RBFOX1: variants seen among roughly 807,000 people sequenced by gnomAD.
The protein encoded by RBFOX1 is RNA binding fox-1 homolog 1, also known as RNA binding protein fox-1 homolog 1.
A neutral mutation model predicts 57.7 loss-of-function variants in RBFOX1; 8 were observed. That is an observed-to-expected ratio of 0.14 (90% CI 0.08 to 0.25). The LOEUF is 0.25. Ranked by LOEUF, RBFOX1 falls within the 10% of genes least tolerant of loss-of-function variation. The probability of loss-of-function intolerance (pLI) is 1.00; values close to 1 mark genes in which losing one functional copy is unlikely to be tolerated. For missense variants in RBFOX1, 611 were observed against 548.5 expected, an observed-to-expected ratio of 1.11 and a Z score of -1.14; for synonymous variants, 326 against 222.4, an observed-to-expected ratio of 1.47 and a Z score of -4.15.
At chr16:5,242,857 T>C (rs951319225) in intron 1 of RBFOX1, among the ~76,000 whole-genome samples, 5 of 152,010 alleles carry the variant, frequency 3.3e-5, no homozygotes, top group Non-Finnish European at 5.9e-5. Flanking sequence ...TGTGCTCTTG[T>C]GGTTGGGTGG....
chr16:6,335,648 C>T (rs902331476), intron 2 of RBFOX1, among the ~76,000 whole-genome samples: 2 of 151,108 alleles, frequency 1.3e-5, no homozygotes, highest in Non-Finnish European at 2.9e-5. Context: ...TGTGTTGACG[C>T]GCGCCTGTAA....
chr16:7,318,024 G>A (rs2096477182), intron 4 of RBFOX1, among the ~76,000 whole-genome samples: 1 of 151,936 alleles, frequency 6.6e-6, no homozygotes. Context: ...CGATGATGGT[G>A]ATGATGTGAA....
chr16:7,699,539 T>C (rs2079961201), intron 14 of RBFOX1, among the ~76,000 whole-genome samples: 1 of 152,170 alleles, frequency 6.6e-6, no homozygotes. Flanking sequence ...TAGGACTTGC[T>C]AAAGTTGTGT....
chr16:7,027,973 G>C (rs1282717528), intron 3 of RBFOX1, among the ~76,000 whole-genome samples: 3 of 151,662 alleles, frequency 2.0e-5, no homozygotes, highest in Non-Finnish European at 4.4e-5. Flanking sequence ...GAAGAAACAA[G>C]GGTGGAAGGA....
At chr16:6,233,668 G>A (rs1426309646) in intron 1 of RBFOX1, among the ~76,000 whole-genome samples, 1 of 152,082 alleles carries the variant, frequency 6.6e-6, no homozygotes, top group Non-Finnish European at 1.5e-5. Context: ...GAGCACAGTA[G>A]AGCAATCATA....
chr16:7,450,429 A>T (rs1050050704), intron 4 of RBFOX1, among the ~76,000 whole-genome samples: 7 of 150,682 alleles, frequency 4.6e-5, no homozygotes, highest in African/African-American at 1.7e-4. Flanking sequence ...AAACTTACAG[A>T]AAGCAAGTTC....
chr16:5,350,158 GC>G (rs2065231668), intron 1 of RBFOX1, among the ~76,000 whole-genome samples: 1 of 152,150 alleles, frequency 6.6e-6, no homozygotes, highest in African/African-American at 2.4e-5. Context: ...TAATGTATGT[GC>G]TTGCTGTCAG....
At chr16:6,429,055 C>T (rs1370004073) in intron 2 of RBFOX1, among the ~76,000 whole-genome samples, 2 of 152,146 alleles carry the variant, frequency 1.3e-5, no homozygotes, top group Non-Finnish European at 2.9e-5. Context: ...GGAGAAGGTG[C>T]GCCCCTCCCA....
chr16:6,478,609 G>C (rs1050993714), intron 2 of RBFOX1, among the ~76,000 whole-genome samples: 18 of 150,972 alleles, frequency 1.2e-4, no homozygotes, highest in African/African-American at 4.1e-4. Context: ...TCTAGCTTTT[G>C]ATTTAAAGTG....
intron 1 of RBFOX1, among the ~76,000 whole-genome samples, chr16:6,159,790 A>G (rs2152742268): frequency 6.6e-6 from 1 of 152,228 alleles, no homozygotes; most frequent in East Asian, 1.9e-4. Flanking sequence ...CCACATGTAC[A>G]AAAATGACAG....
At chr16:5,561,287 C>G (rs1237211591) in intron 2 of RBFOX1, among the ~76,000 whole-genome samples, 1 of 152,048 alleles carries the variant, frequency 6.6e-6, no homozygotes, top group Non-Finnish European at 1.5e-5. Flanking sequence ...GAATGAGGAC[C>G]TATAATTAGT....
intron 2 of RBFOX1, among the ~76,000 whole-genome samples, chr16:6,629,373 T>C (rs1337763537): frequency 6.6e-6 from 1 of 152,208 alleles, no homozygotes; most frequent in Non-Finnish European, 1.5e-5. Context: ...TGAGGATGTT[T>C]AACGACTTTT....
At chr16:6,476,426 A>G (rs1001853661) in intron 2 of RBFOX1, among the ~76,000 whole-genome samples, 1 of 152,208 alleles carries the variant, frequency 6.6e-6, no homozygotes, top group Non-Finnish European at 1.5e-5. Context: ...TAATAGAGGG[A>G]GTCACACTAT....
intron 2 of RBFOX1, among the ~76,000 whole-genome samples, chr16:6,444,948 G>C (rs1370600687): frequency 6.6e-6 from 1 of 152,084 alleles, no homozygotes; most frequent in Non-Finnish European, 1.5e-5. Flanking sequence ...AGTGGAGAAT[G>C]GATTTGAGGG....
intron 1 of RBFOX1, among the ~76,000 whole-genome samples, chr16:6,046,223 A>T (rs2095493911): frequency 6.6e-6 from 1 of 152,212 alleles, no homozygotes; most frequent in Non-Finnish European, 1.5e-5. Flanking sequence ...CAACTGAATG[A>T]TGATGATGCC....
intron 4 of RBFOX1, among the ~76,000 whole-genome samples, chr16:7,078,358 T>A (rs998464525): frequency 2.6e-5 from 4 of 152,180 alleles, no homozygotes; most frequent in African/African-American, 9.6e-5. Flanking sequence ...ATACTTTATT[T>A]ATTTATTTAG....
intron 3 of RBFOX1, among the ~76,000 whole-genome samples, chr16:6,752,936 G>C (rs1382267141): frequency 6.6e-6 from 1 of 151,858 alleles, no homozygotes; most frequent in Non-Finnish European, 1.5e-5. Context: ...TATACGGTGT[G>C]AATATGTAAT....
At chr16:6,900,416 C>T (rs1476052877) in intron 3 of RBFOX1, among the ~76,000 whole-genome samples, 1 of 152,194 alleles carries the variant, frequency 6.6e-6, no homozygotes, top group Non-Finnish European at 1.5e-5. Context: ...AACATCTAAT[C>T]ATGCTACCAC....
At chr16:6,853,159 C>A (rs56081887) in intron 3 of RBFOX1, among the ~76,000 whole-genome samples, 1 of 152,280 alleles carries the variant, frequency 6.6e-6, no homozygotes, top group East Asian at 1.9e-4. Context: ...TTCTCTGAGC[C>A]TGAGTTTCCT....
Sources: gnomAD v4.1 joint callset for allele counts (sites outside exome capture counted in the v4.1 genomes callset) on GRCh38, gnomAD v4.1.1 for gene constraint, MANE v1.5 for transcripts, NCBI Gene and HGNC (gene_info 2026-07-23, HGNC 2026-07-21) for gene names.